The following BTBD10 variants were observed in gnomAD, a reference collection of about 807,000 sequenced individuals.
BTBD10 encodes BTB/POZ domain-containing protein 10.
A neutral mutation model predicts 53.2 loss-of-function variants in BTBD10; 21 were observed. The ratio of observed to expected loss-of-function variants is 0.39; its 90% CI spans 0.28 to 0.57. The LOEUF (loss-of-function observed/expected upper bound fraction) is 0.57. BTBD10 is among the 20% of genes least tolerant of loss of function. BTBD10 has a pLI of 0.53. For synonymous variants in BTBD10, 149 were observed against 192.7 expected (o/e 0.77, Z 1.88); for missense variants, 360 against 594.7 (o/e 0.61, Z 4.10).
intron 8 of BTBD10, among the ~76,000 whole-genome samples, chr11:13,401,854 A>C (rs1368225636): frequency 2.0e-5 from 3 of 152,108 alleles, no homozygotes; most frequent in Non-Finnish European, 2.9e-5. Flanking sequence ...GACCAACTAT[A>C]TCTCTTCAAA....
intron 1 of BTBD10, among the ~76,000 whole-genome samples, chr11:13,450,417 A>G (rs1950836449): frequency 6.6e-6 from 1 of 152,210 alleles, no homozygotes; most frequent in African/African-American, 2.4e-5. Context: ...AGGGGCCTAC[A>G]TGGAGGAAGA....
intron 8 of BTBD10, among the ~76,000 whole-genome samples, chr11:13,392,127 G>C (rs1159158035): frequency 6.6e-6 from 1 of 152,212 alleles, no homozygotes; most frequent in Admixed American, 6.5e-5. Flanking sequence ...TCATTAAATT[G>C]TTCATAAAGT....
At chr11:13,406,321 A>G (rs1183580533) in intron 6 of BTBD10, among the ~76,000 whole-genome samples, 1 of 152,206 alleles carries the variant, frequency 6.6e-6, no homozygotes, top group African/African-American at 2.4e-5. Flanking sequence ...AGCAAACTTG[A>G]TACTAGAAGT....
At chr11:13,450,966 T>C (rs1950845775) in intron 1 of BTBD10, among the ~76,000 whole-genome samples, 1 of 152,208 alleles carries the variant, frequency 6.6e-6, no homozygotes, top group African/African-American at 2.4e-5. Context: ...TGAAGTTTTT[T>C]TGCTGAGTGG....
chr11:13,405,616 T>C (rs1333935929), intron 7 of BTBD10, 43 bp downstream of exon 7: 1 of 1,602,016 alleles, frequency 6.2e-7, no homozygotes, highest in Non-Finnish European at 8.5e-7. Flanking sequence ...CAAGAAATAA[T>C]TCGTGATGAT....
intron 2 of BTBD10, among the ~76,000 whole-genome samples, chr11:13,424,190 T>C (rs1950294147): frequency 6.6e-6 from 1 of 152,164 alleles, no homozygotes; most frequent in African/African-American, 2.4e-5. Flanking sequence ...ATTATCTAAA[T>C]GTGAGTCTGG....
intron 1 of BTBD10, among the ~76,000 whole-genome samples, chr11:13,446,840 T>C (rs553546807): frequency 4.4e-4 from 67 of 152,154 alleles, no homozygotes; most frequent in Middle Eastern, 6.8e-3. Flanking sequence ...AAAAAACTTA[T>C]AAAAAACCTC....
intron 2 of BTBD10, among the ~76,000 whole-genome samples, chr11:13,431,106 T>C (rs1950440962): frequency 6.6e-6 from 1 of 152,040 alleles, no homozygotes; most frequent in African/African-American, 2.4e-5. Context: ...CCATTTTAAT[T>C]ACACTTAAGT....
intron 8 of BTBD10, among the ~76,000 whole-genome samples, chr11:13,391,992 C>A (rs898027789): frequency 1.3e-5 from 2 of 152,130 alleles, no homozygotes; most frequent in Non-Finnish European, 2.9e-5. Context: ...ACAGACAGGG[C>A]AAGCCTGCCC....
At chr11:13,405,475 C>T (rs1949803698) in intron 7 of BTBD10, 184 bp downstream of exon 7, 3 of 612,462 alleles carry the variant, frequency 4.9e-6, no homozygotes, top group East Asian at 2.8e-5. Context: ...GTTTCTGTTA[C>T]AACTACTCAA....
Position 13,445,046 on chromosome 11 carries a change from G to A in BTBD10, c.79C>T (p.Arg27Cys), listed in dbSNP as rs369987366. The change falls in exon 2 of 9, where the codon CGT becomes TGT. Residue 27 changes from arginine (R) to cysteine (C), a missense_variant. This residue lies in a region of BTBD10 where 81 missense variants were observed against 82.6 expected (regional missense o/e 0.98). Coordinates refer to ENST00000278174, the MANE Select transcript of BTBD10 (RefSeq NM_032320.7). ...TACCTTGAATGTTTATAAAGTTTACGAGGTCTACTATGCAATTTCCGATCC... is the reference window on the plus strand; with the variant it reads ...TACCTTGAATGTTTATAAAGTTTACAAGGTCTACTATGCAATTTCCGATCC... Reference protein sequence around the residue: ...NWDRKLHSRPRKLYKHSSTSS... With the variant: ...NWDRKLHSRPCKLYKHSSTSS... 26 of 1,611,690 alleles carry A rather than the reference G, an allele frequency of 1.6e-5. No individual in the cohort carries two copies. Among genetic ancestry groups the A allele is most frequent in the East Asian group, 1.3e-4 (6 of 44,850 alleles).
At chr11:13,434,703 G>A (rs1478459471) in intron 2 of BTBD10, among the ~76,000 whole-genome samples, 1 of 152,208 alleles carries the variant, frequency 6.6e-6, no homozygotes, top group Non-Finnish European at 1.5e-5. Flanking sequence ...TGGGAGAATG[G>A]GAGAAAGGAG....
chr11:13,390,829 G>C (rs919070236), intron 8 of BTBD10, among the ~76,000 whole-genome samples: 1 of 152,174 alleles, frequency 6.6e-6, no homozygotes, highest in Non-Finnish European at 1.5e-5. Flanking sequence ...GCCATGTGTG[G>C]AGTATGTGTG....
At chr11:13,417,342 A>G in intron 4 of BTBD10, 82 bp from the exon 5 acceptor site, 12 of 961,152 alleles carry the variant, frequency 1.2e-5, no homozygotes, top group Non-Finnish European at 1.8e-5. Flanking sequence ...CAAAAGAAAA[A>G]AGGAATTATA....
At chr11:13,447,879 A>G (rs1327713629) in intron 1 of BTBD10, among the ~76,000 whole-genome samples, 2 of 152,178 alleles carry the variant, frequency 1.3e-5, no homozygotes, top group Non-Finnish European at 2.9e-5. Flanking sequence ...AACTATGCCT[A>G]TGTTTGCCTA....
At position 13,396,597 on chromosome 11, in the gene BTBD10, G is replaced by A. The variant is rs553357680; in HGVS notation, c.1117+6571C>T. On this transcript the variant is annotated intron_variant, in intron 8 of 8. Transcript: ENST00000278174. ...ACTATGGTGAATAGTTGTGGTGAGAGAGGGCATCCCTTTCTTGTGCCAGTT... is the reference window on the plus strand; with the variant it reads ...ACTATGGTGAATAGTTGTGGTGAGAAAGGGCATCCCTTTCTTGTGCCAGTT... Among the ~76,000 whole-genome samples, 4 of 152,344 alleles carry A rather than the reference G, an allele frequency of 2.6e-5. No individual in the cohort carries two copies. The East Asian group carries it at 7.7e-4, about 29-fold the overall frequency.
chr11:13,412,201 C>T (rs1231008636), intron 6 of BTBD10, among the ~76,000 whole-genome samples: 1 of 152,048 alleles, frequency 6.6e-6, no homozygotes, highest in Non-Finnish European at 1.5e-5. Context: ...CACCTGTAAT[C>T]CCAGCACTTT....
chr11:13,449,048 C>T (rs1950800830), intron 1 of BTBD10, among the ~76,000 whole-genome samples: 1 of 152,020 alleles, frequency 6.6e-6, no homozygotes, highest in Non-Finnish European at 1.5e-5. Context: ...CAGGAGACTG[C>T]CAAAAGTTAA....
At chr11:13,449,811 A>G (rs1417893875) in intron 1 of BTBD10, among the ~76,000 whole-genome samples, 1 of 152,186 alleles carries the variant, frequency 6.6e-6, no homozygotes, top group African/African-American at 2.4e-5. Context: ...CTTTTATAAT[A>G]ACCAGCTCTC....
Sources: allele counts gnomAD v4.1 joint callset (sites outside exome capture counted in the v4.1 genomes callset), GRCh38; gene constraint gnomAD v4.1.1; regional missense constraint gnomAD v4.1.1; transcripts MANE v1.5; gene names NCBI Gene and HGNC (gene_info 2026-07-23, HGNC 2026-07-21).